ATE1: variants seen among roughly 807,000 people sequenced by gnomAD.
The protein encoded by ATE1 is arginyl-tRNA--protein transferase 1.
In ATE1, 36 loss-of-function variants were observed where a neutral mutation model predicts 70.5. The observed-to-expected ratio is 0.51, with a 90% CI of 0.39 to 0.67. The LOEUF (loss-of-function observed/expected upper bound fraction) is 0.67. ATE1 is among the 30% of genes least tolerant of loss of function. The probability of loss-of-function intolerance (pLI) is 0.00; values close to 1 mark genes in which losing one functional copy is unlikely to be tolerated. For synonymous variants in ATE1, 232 were observed against 219.3 expected (o/e 1.06, Z -0.51); for missense variants, 593 against 629.5 (o/e 0.94, Z 0.62).
In ATE1 at chr10:121,871,503, T is replaced by C. The variant is rs575660669; in HGVS notation, c.943-1465A>G. Among the ~76,000 whole-genome samples the C allele has an allele frequency of 4.6e-5, 7 of 152,192 alleles. No homozygotes were observed. The South Asian group carries it at 6.2e-4, about 14-fold the overall frequency. ...AGATAAAACAGACTAGACATGACAT[T>C]AAATGAGTGAGGACAAGAGATTAGG... On this transcript the variant is annotated intron_variant, in intron 7 of 11. Coordinates refer to ENST00000224652, the MANE Select transcript of ATE1 (RefSeq NM_001001976.3).
At chr10:121,903,236 G>A (rs973530948) in intron 5 of ATE1, among the ~76,000 whole-genome samples, 1 of 151,996 alleles carries the variant, frequency 6.6e-6, no homozygotes, top group Admixed American at 6.6e-5. Context: ...CTCTGCCTTT[G>A]TGAGGAAGAA....
intron 5 of ATE1, among the ~76,000 whole-genome samples, chr10:121,902,882 T>C (rs1419378842): frequency 1.3e-5 from 2 of 152,114 alleles, no homozygotes; most frequent in African/African-American, 4.8e-5. Context: ...TTTCTTTTTT[T>C]TGAGACAGAG....
intron 8 of ATE1, among the ~76,000 whole-genome samples, chr10:121,858,962 G>C (rs1469627433): frequency 6.6e-6 from 1 of 151,758 alleles, no homozygotes; most frequent in East Asian, 2.0e-4. Flanking sequence ...AGGCGTGGTG[G>C]CACATGCCTG....
chr10:121,789,790 C>T lies in ATE1; in HGVS notation c.1378+379G>A, dbSNP rs117071570. On this transcript the variant is annotated intron_variant, in intron 11 of 11. Coordinates refer to ENST00000224652, the MANE Select transcript of ATE1 (RefSeq NM_001001976.3). Reference sequence around the variant, plus strand: ...CATGAAACCATCCTACAACTTTATTCGGTCCAGTTGGTCAATATTTCCATC... The same window carrying T: ...CATGAAACCATCCTACAACTTTATTTGGTCCAGTTGGTCAATATTTCCATC... Among the ~76,000 whole-genome samples, 309 of 152,228 alleles carry T rather than the reference C, an allele frequency of 2.0e-3. 2 individuals are homozygous for T. The highest frequency in any genetic ancestry group is 0.015 in the Admixed American group (232 of 15,292).
At chr10:121,866,058 T>C (rs1417332052) in intron 8 of ATE1, among the ~76,000 whole-genome samples, 1 of 152,240 alleles carries the variant, frequency 6.6e-6, no homozygotes, top group Non-Finnish European at 1.5e-5. Flanking sequence ...TAGACCATAT[T>C]TGTAATTTTC....
chr10:121,829,725 AAAAG>A (rs1314041363), intron 10 of ATE1, among the ~76,000 whole-genome samples: 1 of 152,086 alleles, frequency 6.6e-6, no homozygotes, highest in Admixed American at 6.5e-5. Context: ...AAAGAAAAAA[AAAAG>A]AAAGAAAAAA....
At chr10:121,890,156 T>C (rs1950531880) in intron 7 of ATE1, among the ~76,000 whole-genome samples, 1 of 152,102 alleles carries the variant, frequency 6.6e-6, no homozygotes, top group Admixed American at 6.5e-5. Flanking sequence ...GAAGTCAATA[T>C]TACAGAAAAA....
rs1948357976 is a variant in ATE1, at chr10:121,834,378, G to C, written c.1257+2340C>G. Among the ~76,000 whole-genome samples, 3 of 152,072 alleles carry C rather than the reference G, an allele frequency of 2.0e-5. No individual in the cohort carries two copies. In the South Asian group the frequency reaches 6.2e-4, roughly 32 times the overall value. On this transcript the variant is annotated intron_variant, in intron 10 of 11. Coordinates refer to ENST00000224652, the MANE Select transcript of ATE1 (RefSeq NM_001001976.3). ...TCTGAATAAACATTTCCTGGATGAA[G>C]GAAGAAAGTAAACCAGAAGGCAAGC...
rs771030920 is a variant in ATE1, at chr10:121,841,250, G to C, written c.989C>G (p.Pro330Arg). The C allele has an allele frequency of 1.9e-5, 28 of 1,513,012 alleles. No homozygotes were observed. The highest frequency in any genetic ancestry group is 1.8e-4 in the Middle Eastern group (1 of 5,694). The allele number at this position is 1,513,012 out of a possible 1,614,324, so 93.7% of individuals were successfully genotyped here. ...CSSPLEAETP[P>R]NGPDCGYGSF... ...GCCATAGCCACAATCTGGCCCATTA[G>C]GGGGAGTCTCTGCCTAAGAAAAAGC... The change falls in exon 9 of 12, where the codon CCT becomes CGT. Residue 330 changes from proline to arginine, a missense_variant. By Grantham distance (103) the Pro-to-Arg change is moderately radical (BLOSUM62 -2). Around this residue, in one of 3 missense-constraint regions of ATE1, gnomAD observed 467 missense variants for 469.6 expected, o/e 0.99. Coordinates refer to ENST00000224652, the MANE Select transcript of ATE1 (RefSeq NM_001001976.3).
At position 121,741,625 on chromosome 10, in the gene ATE1, T is replaced by A. The variant is rs192035076; in HGVS notation, c.*2055A>T. 28 of 152,350 alleles carry A rather than the reference T, an allele frequency of 1.8e-4. No individual in the cohort carries two copies. In the East Asian group the frequency reaches 5.2e-3, roughly 28 times the overall value. The allele number at this position is 152,350 out of a possible 1,614,324, so 9.4% of individuals were successfully genotyped here. On this transcript the variant is annotated 3_prime_UTR_variant, in exon 12 of 12. Transcript: ENST00000224652. ...GACAAATGGAGGGAAGATACAGTGATAACACCAAGTTGGACATTCAAATGC... is the reference window on the plus strand; with the variant it reads ...GACAAATGGAGGGAAGATACAGTGAAAACACCAAGTTGGACATTCAAATGC...
At chr10:121,873,042 T>C (rs575992738) in intron 7 of ATE1, among the ~76,000 whole-genome samples, 19 of 152,282 alleles carry the variant, frequency 1.2e-4, no homozygotes, top group Admixed American at 7.2e-4. Flanking sequence ...ATTCTTTATC[T>C]TCCTATGTAC....
chr10:121,808,004 G>A (rs920919157), intron 10 of ATE1, among the ~76,000 whole-genome samples: 15 of 152,044 alleles, frequency 9.9e-5, no homozygotes, highest in Non-Finnish European at 1.9e-4. Flanking sequence ...GTAAAAAAAT[G>A]TAATTGCCAG....
In ATE1 at chr10:121,795,302, T is replaced by C. The variant is rs1252930634; in HGVS notation, c.1258-5013A>G. Among the ~76,000 whole-genome samples, 5 of 152,104 alleles carry C rather than the reference T, an allele frequency of 3.3e-5. No individual in the cohort carries two copies. The East Asian group carries it at 9.6e-4, about 29-fold the overall frequency. On this transcript the variant is annotated intron_variant, in intron 10 of 11. Transcript: ENST00000224652. Reference sequence around the variant, plus strand: ...AAAAGAATATTTAGTCAATGAACATTACATAAATCCTCACTATGTAACAGG... The same window carrying C: ...AAAAGAATATTTAGTCAATGAACATCACATAAATCCTCACTATGTAACAGG...
chr10:121,794,699 C>A (rs1946593184), intron 10 of ATE1, among the ~76,000 whole-genome samples: 1 of 138,362 alleles, frequency 7.2e-6, no homozygotes, highest in African/African-American at 2.7e-5. Context: ...TGTATCATCT[C>A]AAAAAACAAC....
At chr10:121,830,160 G>C (rs1055846249) in intron 10 of ATE1, among the ~76,000 whole-genome samples, 2 of 152,138 alleles carry the variant, frequency 1.3e-5, no homozygotes, top group African/African-American at 4.8e-5. Context: ...GTATAACATG[G>C]TATCTGCTAT....
At chr10:121,925,576 A>G (rs1564974244) in intron 1 of ATE1, among the ~76,000 whole-genome samples, 1 of 152,154 alleles carries the variant, frequency 6.6e-6, no homozygotes, top group Non-Finnish European at 1.5e-5. Context: ...ATTTAAAGGC[A>G]TATCAGAACT....
chr10:121,893,269 TTA>T (rs1171303931), intron 7 of ATE1, among the ~76,000 whole-genome samples: 5 of 136,724 alleles, frequency 3.7e-5, no homozygotes, highest in Admixed American at 7.8e-5. Flanking sequence ...AGAGTGAGAC[TTA>T]GTCTCAAAAA....
Position 121,864,842 on chromosome 10 carries a change from C to T in ATE1, c.975+5164G>A, listed in dbSNP as rs116384102. Among the ~76,000 whole-genome samples the T allele has an allele frequency of 7.1e-3, 1,074 of 152,086 alleles. 25 individuals carry two copies. The highest frequency in any genetic ancestry group is 0.025 in the African/African-American group (1,016 of 41,450). On this transcript the variant is annotated intron_variant, in intron 8 of 11. Coordinates refer to ENST00000224652, the MANE Select transcript of ATE1 (RefSeq NM_001001976.3). ...AGTCTGGAGACATTTTGTTGCAACTCAGAGGGGTGAGTCCTACTAGCATCT... is the reference window on the plus strand; with the variant it reads ...AGTCTGGAGACATTTTGTTGCAACTTAGAGGGGTGAGTCCTACTAGCATCT...
At chr10:121,784,961 A>G (rs1309653151) in intron 11 of ATE1, among the ~76,000 whole-genome samples, 1 of 152,238 alleles carries the variant, frequency 6.6e-6, no homozygotes, top group Admixed American at 6.5e-5. Context: ...CCATATTAAA[A>G]TACATTCTCC....
Sources: allele counts gnomAD v4.1 joint callset (sites outside exome capture counted in the v4.1 genomes callset), GRCh38; gene constraint gnomAD v4.1.1; regional missense constraint gnomAD v4.1.1; transcripts MANE v1.5; gene names NCBI Gene and HGNC (gene_info 2026-07-23, HGNC 2026-07-21).